CD2AP: variants seen among roughly 807,000 people sequenced by gnomAD.
CD2AP encodes the protein CD2 associated protein, also known as CD2-associated protein.
A neutral mutation model predicts 85.1 loss-of-function variants in CD2AP; 46 were observed. That is an observed-to-expected ratio of 0.54 (90% CI 0.43 to 0.69). The LOEUF (loss-of-function observed/expected upper bound fraction) is 0.69, where lower values mean the gene tolerates loss of function less well. Among genes scored for constraint, CD2AP ranks in the 30% least tolerant of loss-of-function variants. CD2AP has a pLI of 0.00. For synonymous variants in CD2AP, 255 were observed against 252.9 expected, an observed-to-expected ratio of 1.01 and a Z score of -0.08; for missense variants, 769 against 729.5, an observed-to-expected ratio of 1.05 and a Z score of -0.62.
intron 16 of CD2AP, 109 bp downstream of exon 16, chr6:47,609,413 G>A (rs975308611): frequency 1.4e-5 from 13 of 897,754 alleles, no homozygotes; most frequent in East Asian, 1.0e-4. Context: ...GTGGTAGTTC[G>A]CGCCTGTAAT....
chr6:47,618,902 T>G (rs1368219839), intron 17 of CD2AP, among the ~76,000 whole-genome samples: 3 of 152,190 alleles, frequency 2.0e-5, no homozygotes, highest in Admixed American at 6.5e-5. Context: ...AAAGCACACC[T>G]AAGGCACTAA....
At chr6:47,528,857 C>T (rs1301407266) in intron 2 of CD2AP, among the ~76,000 whole-genome samples, 1 of 152,062 alleles carries the variant, frequency 6.6e-6, no homozygotes, top group Non-Finnish European at 1.5e-5. Flanking sequence ...AGGCTGTTTG[C>T]TTTTTTATTG....
chr6:47,545,948 C>A (rs1767355262), intron 4 of CD2AP, among the ~76,000 whole-genome samples: 1 of 152,082 alleles, frequency 6.6e-6, no homozygotes, highest in South Asian at 2.1e-4. Context: ...AAACAAGGTT[C>A]TTTACCATTC....
chr6:47,612,454 A>G lies in CD2AP; in HGVS notation c.1815-19A>G, dbSNP rs1769470955. The G allele has an allele frequency of 2.0e-6, 3 of 1,518,554 alleles. No homozygotes were observed. The highest frequency in any genetic ancestry group is 2.2e-5 in the South Asian group (2 of 88,910). The allele number at this position is 1,518,554 out of a possible 1,614,324, so 94.1% of individuals were successfully genotyped here. ...TATTTAATCGAAAGACTTAACAGTA[A>G]TAAGTACTTTGTTTTTAGGAAAGAA... On this transcript the variant is annotated intron_variant, in intron 16 of 17. Coordinates refer to ENST00000359314, the MANE Select transcript of CD2AP (RefSeq NM_012120.3).
intron 1 of CD2AP, among the ~76,000 whole-genome samples, chr6:47,488,410 C>T (rs1765622306): frequency 6.6e-6 from 1 of 151,948 alleles, no homozygotes; most frequent in Middle Eastern, 3.4e-3. Context: ...TTTCTAGTAG[C>T]TACATTTAAA....
At chr6:47,502,244 A>C (rs1307238355) in intron 1 of CD2AP, among the ~76,000 whole-genome samples, 1 of 152,130 alleles carries the variant, frequency 6.6e-6, no homozygotes, top group Non-Finnish European at 1.5e-5. Flanking sequence ...CAAGGGAAAA[A>C]GTCTCCTATT....
At chr6:47,518,029 GT>G (rs1766497120) in intron 2 of CD2AP, among the ~76,000 whole-genome samples, 1 of 152,098 alleles carries the variant, frequency 6.6e-6, no homozygotes, top group Non-Finnish European at 1.5e-5. Context: ...GTTAAATATT[GT>G]TTTGTAAAAC....
intron 2 of CD2AP, among the ~76,000 whole-genome samples, chr6:47,509,191 A>G (rs1766254765): frequency 6.6e-6 from 1 of 152,212 alleles, no homozygotes; most frequent in Non-Finnish European, 1.5e-5. Context: ...TGGAACAGTT[A>G]GAAGACACAC....
Position 47,495,571 on chromosome 6 carries a change from T to C in CD2AP, c.5-7709T>C, listed in dbSNP as rs565413332. ...GCTAATTTATGGCTCCAGCAGCTTCTACTCTAGGTAATAAATAGATCTCGT... is the reference window on the plus strand; with the variant it reads ...GCTAATTTATGGCTCCAGCAGCTTCCACTCTAGGTAATAAATAGATCTCGT... On this transcript the variant is annotated intron_variant, in intron 1 of 17. Coordinates refer to ENST00000359314, the MANE Select transcript of CD2AP (RefSeq NM_012120.3). 2.6e-5 allele frequency among the ~76,000 whole-genome samples: 4 copies of C among 152,366 alleles called. No individual in the cohort carries two copies. The South Asian group carries it at 8.3e-4, about 32-fold the overall frequency.
At chr6:47,599,154 G>A (rs1434398896) in intron 12 of CD2AP, 147 bp from the exon 13 acceptor site, 6 of 599,410 alleles carry the variant, frequency 1.0e-5, no homozygotes, top group South Asian at 3.9e-5. Context: ...TCAGCCTTAG[G>A]AGAGAGTTTT....
chr6:47,480,647 A>G (rs72868266), intron 1 of CD2AP, among the ~76,000 whole-genome samples: 150 of 152,336 alleles, frequency 9.8e-4, no homozygotes, highest in Non-Finnish European at 1.7e-3. Flanking sequence ...ATGAGTTACT[A>G]CTTGTAAAGT....
At chr6:47,478,324 C>T (rs1765358313) in intron 1 of CD2AP, 76 bp downstream of exon 1, 20 of 1,527,114 alleles carry the variant, frequency 1.3e-5, no homozygotes, top group Non-Finnish European at 1.7e-5. Flanking sequence ...TCTCGGCCTT[C>T]TGGGGAGGCG....
chr6:47,572,711 G>A (rs1768190300), intron 5 of CD2AP, among the ~76,000 whole-genome samples: 2 of 152,112 alleles, frequency 1.3e-5, no homozygotes, highest in Non-Finnish European at 2.9e-5. Flanking sequence ...CTGACTACCT[G>A]TAGGTCCCTG....
At chr6:47,516,657 G>C (rs1452321603) in intron 2 of CD2AP, among the ~76,000 whole-genome samples, 1 of 152,144 alleles carries the variant, frequency 6.6e-6, no homozygotes, top group Non-Finnish European at 1.5e-5. Flanking sequence ...CAGAAAGTTA[G>C]AGATGACACC....
At chr6:47,513,833 A>C (rs959450349) in intron 2 of CD2AP, among the ~76,000 whole-genome samples, 3 of 148,608 alleles carry the variant, frequency 2.0e-5, no homozygotes, top group African/African-American at 7.4e-5. Context: ...TTCTCTCTCA[A>C]GTAATTATAC....
chr6:47,571,437 A>G (rs1344076287), intron 5 of CD2AP, among the ~76,000 whole-genome samples: 1 of 152,196 alleles, frequency 6.6e-6, no homozygotes, highest in Non-Finnish European at 1.5e-5. Flanking sequence ...TTCTGCCAGG[A>G]GCTAATTTCT....
chr6:47,612,178 A>G (rs957673498), intron 16 of CD2AP, among the ~76,000 whole-genome samples: 2 of 152,110 alleles, frequency 1.3e-5, no homozygotes, highest in Non-Finnish European at 2.9e-5. Context: ...AAAATGTATG[A>G]TAGCCGAATA....
chr6:47,537,764 G>A (rs576130344), intron 3 of CD2AP, among the ~76,000 whole-genome samples: 2 of 151,888 alleles, frequency 1.3e-5, no homozygotes, highest in Non-Finnish European at 2.9e-5. Context: ...AATGGCCTAA[G>A]CATTACGATT....
rs1489963482 is a variant in CD2AP, at chr6:47,570,940, A to T, written c.542-3124A>T. Among the ~76,000 whole-genome samples the T allele has an allele frequency of 2.6e-5, 4 of 152,144 alleles. No homozygotes were observed. The East Asian group carries it at 7.7e-4, about 29-fold the overall frequency. ...TATCCATTAGTACTGGACATTTTTG[A>T]TATCTAGCCATCTATTTTAATGATA... On this transcript the variant is annotated intron_variant, in intron 5 of 17. Coordinates refer to ENST00000359314, the MANE Select transcript of CD2AP (RefSeq NM_012120.3).
Sources: gnomAD v4.1 joint callset for allele counts (sites outside exome capture counted in the v4.1 genomes callset) on GRCh38, gnomAD v4.1.1 for gene constraint, MANE v1.5 for transcripts, NCBI Gene and HGNC (gene_info 2026-07-23, HGNC 2026-07-21) for gene names.